TPD52: variants seen among roughly 807,000 people sequenced by gnomAD.
The protein encoded by TPD52 is tumor protein D52, also known as prostate and colon associated protein.
In TPD52, 17 loss-of-function variants were observed where a neutral mutation model predicts 31.3. The ratio of observed to expected loss-of-function variants is 0.54; its 90% CI spans 0.37 to 0.82. The LOEUF (loss-of-function observed/expected upper bound fraction) is 0.82. TPD52 is among the 40% of genes least tolerant of loss of function. The pLI is 0.00. For missense variants in TPD52, 212 were observed against 240.1 expected (o/e 0.88, Z 0.77); for synonymous variants, 83 against 89.6 (o/e 0.93, Z 0.42).
rs1258793318 is a variant in TPD52, at chr8:80,080,018, TTTG to T, written c.20-15428_20-15426del. On this transcript the variant is annotated intron_variant, in intron 1 of 7. Transcript: ENST00000518937. ...ACCAAGGACTTCAGATTCCTCCTTT[TTTG>T]TTATTTACCAGCTCAACAAACTCAA... Among the ~76,000 whole-genome samples the T allele has an allele frequency of 2.0e-5, 3 of 152,210 alleles. No homozygotes were observed. In the East Asian group the frequency reaches 5.8e-4, roughly 29 times the overall value.
At chr8:80,130,791 C>G (rs1378408014) in intron 1 of TPD52, among the ~76,000 whole-genome samples, 1 of 152,144 alleles carries the variant, frequency 6.6e-6, no homozygotes, top group Non-Finnish European at 1.5e-5. Flanking sequence ...CAGTAAGAGT[C>G]TTCAATGCAC....
At chr8:80,119,924 G>A (rs958402015) in intron 1 of TPD52, 6 of 353,932 alleles carry the variant, frequency 1.7e-5, no homozygotes, top group Non-Finnish European at 2.7e-5. Flanking sequence ...CAATTAAAAT[G>A]TTAGAAAAAC....
intron 1 of TPD52, among the ~76,000 whole-genome samples, chr8:80,147,036 GC>G (rs922242880): frequency 2.0e-5 from 3 of 152,136 alleles, no homozygotes; most frequent in South Asian, 2.1e-4. Flanking sequence ...GTTTTAACAA[GC>G]CCTCTGAGGG....
At chr8:80,076,740 T>C (rs73261829) in intron 1 of TPD52, among the ~76,000 whole-genome samples, 6,781 of 152,156 alleles carry the variant, frequency 0.045, 415 homozygotes, top group African/African-American at 0.14. Context: ...AGTGGTGTGA[T>C]CTCAGCTCAC....
At chr8:80,121,446 C>T (rs1031680796) in intron 1 of TPD52, among the ~76,000 whole-genome samples, 3 of 152,142 alleles carry the variant, frequency 2.0e-5, no homozygotes, top group South Asian at 2.1e-4. Flanking sequence ...GTTTTTATAA[C>T]GAGCTCTCAG....
intron 1 of TPD52, among the ~76,000 whole-genome samples, chr8:80,131,619 A>ACC (rs1358207621): frequency 2.0e-5 from 3 of 152,038 alleles, no homozygotes; most frequent in Non-Finnish European, 2.9e-5. Context: ...CACTTCCTCT[A>ACC]CCCTTCATTC....
At chr8:80,138,336 C>A (rs1458818534) in intron 1 of TPD52, among the ~76,000 whole-genome samples, 1 of 152,204 alleles carries the variant, frequency 6.6e-6, no homozygotes, top group Non-Finnish European at 1.5e-5. Flanking sequence ...AATCTTCCAA[C>A]TGAAATCTGA....
chr8:80,080,425 T>C, intron 1 of TPD52: 1 of 1,614,142 alleles, frequency 6.2e-7, no homozygotes, highest in Non-Finnish European at 8.5e-7. Flanking sequence ...CTGGTAGTCC[T>C]CATATAAGTC....
At chr8:80,141,150 A>C (rs1414021767) in intron 1 of TPD52, among the ~76,000 whole-genome samples, 5 of 152,018 alleles carry the variant, frequency 3.3e-5, no homozygotes, top group Non-Finnish European at 7.4e-5. Context: ...ATTCCACATC[A>C]CATTCATACT....
At chr8:80,062,440 C>T (rs1317986007) in intron 2 of TPD52, among the ~76,000 whole-genome samples, 1 of 152,056 alleles carries the variant, frequency 6.6e-6, no homozygotes, top group Non-Finnish European at 1.5e-5. Flanking sequence ...AAGTCTTAGA[C>T]AAAAACATAG....
chr8:80,123,613 A>G (rs1382109088), intron 1 of TPD52, among the ~76,000 whole-genome samples: 1 of 152,238 alleles, frequency 6.6e-6, no homozygotes, highest in Non-Finnish European at 1.5e-5. Flanking sequence ...TGGGATAGCC[A>G]AGTAGATGTG....
chr8:80,131,491 C>T (rs571450450), intron 1 of TPD52, among the ~76,000 whole-genome samples: 2 of 152,246 alleles, frequency 1.3e-5, no homozygotes, highest in African/African-American at 4.8e-5. Context: ...GTATGTCTTC[C>T]AATCCCTCCA....
chr8:80,107,343 A>C (rs1272981734), intron 1 of TPD52, among the ~76,000 whole-genome samples: 1 of 152,120 alleles, frequency 6.6e-6, no homozygotes, highest in Non-Finnish European at 1.5e-5. Context: ...GTCTCCCCAC[A>C]ACATTACCAA....
intron 1 of TPD52, among the ~76,000 whole-genome samples, chr8:80,072,798 C>CACACACACATATATATATATATATAT (rs977939775): frequency 2.0e-4 from 28 of 141,040 alleles, no homozygotes; most frequent in African/African-American, 7.8e-4. Flanking sequence ...CACACACACA[C>CACACACACATATATATATATATATAT]ATATATATAT....
At chr8:80,138,776 AC>A (rs775727391) in intron 1 of TPD52, among the ~76,000 whole-genome samples, 1 of 152,092 alleles carries the variant, frequency 6.6e-6, no homozygotes, top group Non-Finnish European at 1.5e-5. Flanking sequence ...AACATTGAGA[AC>A]CTGTGGCTCA....
At chr8:80,100,450 T>C (rs1359700355) in intron 1 of TPD52, among the ~76,000 whole-genome samples, 2 of 152,210 alleles carry the variant, frequency 1.3e-5, no homozygotes, top group Non-Finnish European at 2.9e-5. Context: ...TAAAAACCAA[T>C]TGTTTTCGGA....
At position 80,170,011 on chromosome 8, in the gene TPD52, G is replaced by A. The variant is rs189281095; in HGVS notation, c.19+1414C>T. ...TATACACATAGGTAACACATATAAA[G>A]CATATTGTATGTAATGTTTGTAAGC... is the stretch of plus-strand genomic sequence containing the variant. On this transcript the variant is annotated intron_variant, in intron 1 of 7. Coordinates refer to ENST00000518937, the MANE Select transcript of TPD52 (RefSeq NM_001025253.3). Among the ~76,000 whole-genome samples, 16 of 152,268 alleles carry A rather than the reference G, an allele frequency of 1.1e-4. No individual in the cohort carries two copies. The East Asian group carries it at 3.1e-3, about 29-fold the overall frequency.
intron 1 of TPD52, among the ~76,000 whole-genome samples, chr8:80,108,882 T>C (rs1712384429): frequency 6.6e-6 from 1 of 152,222 alleles, no homozygotes; most frequent in Admixed American, 6.5e-5. Flanking sequence ...TGAATAAAGA[T>C]TGAAGTATTT....
chr8:80,080,451 C>G (rs1283589921), intron 1 of TPD52: 1 of 1,613,806 alleles, frequency 6.2e-7, no homozygotes, highest in African/African-American at 1.3e-5. Context: ...CTCTACAATC[C>G]ATTCCAGACA....
Sources: gnomAD v4.1 joint callset for allele counts (sites outside exome capture counted in the v4.1 genomes callset) on GRCh38, gnomAD v4.1.1 for gene constraint, MANE v1.5 for transcripts, NCBI Gene and HGNC (gene_info 2026-07-23, HGNC 2026-07-21) for gene names.